KICS2: variants seen among roughly 807,000 people sequenced by gnomAD.
KICS2 encodes KICSTOR subunit 2.
Under a neutral mutation model 31.4 loss-of-function variants are expected in KICS2, and 13 were observed. That is an observed-to-expected ratio of 0.41 (90% CI 0.27 to 0.66). The LOEUF (loss-of-function observed/expected upper bound fraction) is 0.66, where lower values mean the gene tolerates loss of function less well. Ranked by LOEUF, KICS2 falls within the 30% of genes least tolerant of loss-of-function variation. The probability of loss-of-function intolerance (pLI) is 0.28; values close to 1 mark genes in which losing one functional copy is unlikely to be tolerated. For missense variants in KICS2, 455 were observed against 545.4 expected, an observed-to-expected ratio of 0.83 and a Z score of 1.65; for synonymous variants, 209 against 214.8, an observed-to-expected ratio of 0.97 and a Z score of 0.24.
chr12:64,215,880 C>G lies in KICS2; in HGVS notation c.319G>C (p.Gly107Arg). The G allele has an allele frequency of 6.2e-7, 1 of 1,613,832 alleles. No individual in the cohort carries two copies. The highest frequency in any genetic ancestry group is 1.1e-5 in the South Asian group (1 of 90,990). Reference protein sequence around the residue: ...LHNELKKVVTGRGALGGTAPH... With the variant: ...LHNELKKVVTRRGALGGTAPH... ...GCAGTCCCACCCAGGGCACCACGGC[C>G]AGTCACCACCTTCTTCAGCTCATTA... is the stretch of plus-strand genomic sequence containing the variant. The change falls in exon 2 of 3, where the codon GGC becomes CGC. Residue 107 changes from glycine (G) to arginine (R), a missense_variant. Physicochemically the swap from Gly to Arg is moderately radical, Grantham distance 125 (BLOSUM62 -2). Transcript: ENST00000398055.
At chr12:64,207,733 T>C (rs1200399611) in intron 2 of KICS2, among the ~76,000 whole-genome samples, 1 of 152,132 alleles carries the variant, frequency 6.6e-6, no homozygotes, top group Non-Finnish European at 1.5e-5. Context: ...TAAGCAGAGC[T>C]ACCCGCCTGA....
At chr12:64,217,483 C>T (rs899799148) in intron 1 of KICS2, among the ~76,000 whole-genome samples, 5 of 147,356 alleles carry the variant, frequency 3.4e-5, no homozygotes, top group African/African-American at 9.9e-5. Flanking sequence ...AAAAAAAAAA[C>T]GCACAAAAAA....
chr12:64,197,507 T>C (rs1274253923), intron 2 of KICS2, among the ~76,000 whole-genome samples: 2 of 151,156 alleles, frequency 1.3e-5, no homozygotes, highest in African/African-American at 4.9e-5. Flanking sequence ...TGCCAAAATG[T>C]AAAGACCATC....
chr12:64,222,183 C>G lies in KICS2; in HGVS notation c.55G>C (p.Glu19Gln). 1 of 1,614,118 alleles carries G rather than the reference C, an allele frequency of 6.2e-7. No homozygotes were observed. The highest frequency in any genetic ancestry group is 1.1e-5 in the South Asian group (1 of 91,090). ...APVPVEQAVL[E>Q]TFFSHLGIFS... ...ATACCCAGGTGAGAGAAGAACGTCT[C>G]CAGCACCGCCTGTTCCACCGGGACC... Residue 19 changes from glutamate (E) to glutamine (Q), a missense_variant, in exon 1 of 3, where the codon GAG (glutamate) becomes CAG (glutamine). Coordinates refer to ENST00000398055, the MANE Select transcript of KICS2 (RefSeq NM_152440.5).
Position 64,222,059 on chromosome 12 carries a change from T to C in KICS2, c.179A>G (p.His60Arg). The C allele has an allele frequency of 6.2e-7, 1 of 1,613,618 alleles. No homozygotes were observed. Among genetic ancestry groups the C allele is most frequent in the Non-Finnish European group, 8.5e-7 (1 of 1,179,880 alleles). Reference sequence around the variant, plus strand: ...ATAGACCTTCTCGGCCGCGGCCAGGTGCGCCAAGGCCGCCAGCAGCGACAG... The same window carrying C: ...ATAGACCTTCTCGGCCGCGGCCAGGCGCGCCAAGGCCGCCAGCAGCGACAG... ...SWLSLLAALA[H>R]LAAAEKVYHS... Residue 60 changes from histidine (H) to arginine (R), a missense_variant, in exon 1 of 3, where the codon CAC becomes CGC. Transcript: ENST00000398055.
At chr12:64,206,585 G>A (rs1355295962) in intron 2 of KICS2, among the ~76,000 whole-genome samples, 2 of 152,176 alleles carry the variant, frequency 1.3e-5, no homozygotes, top group Non-Finnish European at 2.9e-5. Context: ...TAGAGGAGAT[G>A]GCATTTGAAT....
downstream of KICS2, chr12:64,186,456 A>G (rs2037340159): frequency 6.6e-6 from 1 of 152,194 alleles, no homozygotes; most frequent in Admixed American, 6.5e-5. Context: ...ACTGTTACAA[A>G]GCGTGTTAAA....
intron 2 of KICS2, 78 bp downstream of exon 2, chr12:64,215,600 A>T: frequency 8.3e-7 from 1 of 1,211,242 alleles, no homozygotes; most frequent in Non-Finnish European, 1.2e-6. Context: ...TTTTCATAAG[A>T]GTGTGGAGAA....
chr12:64,219,986 C>T (rs1456448058), intron 1 of KICS2, among the ~76,000 whole-genome samples: 1 of 151,980 alleles, frequency 6.6e-6, no homozygotes, highest in Non-Finnish European at 1.5e-5. Context: ...ATTGTGTAGT[C>T]GTATTGTAAG....
chr12:64,190,765 GAAAGA>G (rs139660835), downstream of KICS2, among the ~76,000 whole-genome samples: 4,822 of 151,736 alleles, frequency 0.032, 256 homozygotes, highest in African/African-American at 0.11. Context: ...AAGAAAGAAA[GAAAGA>G]AAAGAAAAGT....
At chr12:64,205,632 G>GGGAA (rs1305917327) in intron 2 of KICS2, among the ~76,000 whole-genome samples, 1 of 143,834 alleles carries the variant, frequency 7.0e-6, no homozygotes, top group Non-Finnish European at 1.5e-5. Flanking sequence ...GAAGGAAAAA[G>GGGAA]GGAGGGAAGG....
intron 1 of KICS2, among the ~76,000 whole-genome samples, chr12:64,219,765 T>G (rs1403711356): frequency 6.6e-6 from 1 of 152,194 alleles, no homozygotes; most frequent in East Asian, 1.9e-4. Context: ...TATATATAGT[T>G]TTATTTGTCA....
At chr12:64,221,867 G>T in intron 1 of KICS2, 136 bp downstream of exon 1, 1 of 978,080 alleles carries the variant, frequency 1.0e-6, no homozygotes, top group Admixed American at 2.8e-5. Flanking sequence ...AGGAACGGTG[G>T]GAGGAGATCT....
chr12:64,196,264 G>A (rs1421793348), intron 2 of KICS2, among the ~76,000 whole-genome samples: 1 of 145,872 alleles, frequency 6.9e-6, no homozygotes, highest in Non-Finnish European at 1.5e-5. Flanking sequence ...AGAACCGGCA[G>A]ACTGCCTCCT....
intron 2 of KICS2, among the ~76,000 whole-genome samples, chr12:64,207,365 A>G (rs2037548987): frequency 6.6e-6 from 1 of 151,696 alleles, no homozygotes; most frequent in Admixed American, 6.6e-5. Flanking sequence ...TTTTTAACAA[A>G]ATAAAAAAGC....
intron 2 of KICS2, among the ~76,000 whole-genome samples, chr12:64,198,979 G>C (rs1458342926): frequency 6.8e-6 from 1 of 146,756 alleles, no homozygotes; most frequent in Non-Finnish European, 1.5e-5. Flanking sequence ...CAACCAAAAA[G>C]AGTCCAGGAC....
intron 2 of KICS2, among the ~76,000 whole-genome samples, chr12:64,196,192 ATGTCCCTGTCTGACAGCTTTG>A (rs1592379751): frequency 6.6e-6 from 1 of 151,716 alleles, no homozygotes; most frequent in East Asian, 1.9e-4. Flanking sequence ...GCAGACTTAA[ATGTCCCTGTCTGACAGCTTTG>A]AAGAGAGCAG....
At chr12:64,219,402 G>A (rs2037658249) in intron 1 of KICS2, among the ~76,000 whole-genome samples, 1 of 152,080 alleles carries the variant, frequency 6.6e-6, no homozygotes, top group African/African-American at 2.4e-5. Context: ...GAAAGAGAAG[G>A]AACCAAGATA....
chr12:64,220,273 T>C (rs2037668372), intron 1 of KICS2, among the ~76,000 whole-genome samples: 2 of 152,268 alleles, frequency 1.3e-5, no homozygotes, highest in East Asian at 1.9e-4. Context: ...ATTTACACAT[T>C]GAGGACCACT....
Sources: gnomAD v4.1 joint callset for allele counts (sites outside exome capture counted in the v4.1 genomes callset) on GRCh38, gnomAD v4.1.1 for gene constraint, MANE v1.5 for transcripts, NCBI Gene and HGNC (gene_info 2026-07-23, HGNC 2026-07-21) for gene names.